The following LRBA variants were observed in gnomAD, a reference collection of about 807,000 sequenced individuals.
LRBA encodes lipopolysaccharide-responsive and beige-like anchor protein.
A neutral mutation model predicts 330.0 loss-of-function variants in LRBA; 176 were observed. The observed-to-expected ratio is 0.53, with a 90% CI of 0.47 to 0.60. The LOEUF (loss-of-function observed/expected upper bound fraction) is 0.60, where lower values mean the gene tolerates loss of function less well. Ranked by LOEUF, LRBA falls within the 20% of genes least tolerant of loss-of-function variation. LRBA has a pLI of 0.00. For synonymous variants in LRBA, 1,230 were observed against 1,193.0 expected (o/e 1.03, Z -0.64); for missense variants, 3,259 against 3,444.8 (o/e 0.95, Z 1.35).
intron 52 of LRBA, among the ~76,000 whole-genome samples, chr4:150,307,649 CAGG>C (rs774230902): frequency 2.0e-5 from 3 of 151,718 alleles, no homozygotes; most frequent in Non-Finnish European, 2.9e-5. Context: ...CAGGCCGACG[CAGG>C]AGGAGATCAC....
chr4:150,994,243 T>A (rs1407431783), intron 2 of LRBA, among the ~76,000 whole-genome samples: 1 of 152,004 alleles, frequency 6.6e-6, no homozygotes, highest in African/African-American at 2.4e-5. Context: ...AAGTACAGTG[T>A]TGAGGAGAAC....
At chr4:150,869,547 G>T (rs1753174218) in intron 20 of LRBA, among the ~76,000 whole-genome samples, 1 of 152,028 alleles carries the variant, frequency 6.6e-6, no homozygotes, top group Non-Finnish European at 1.5e-5. Context: ...AAATTAGCCA[G>T]GCCTGGTAGC....
At chr4:150,780,994 C>T (rs940369714) in intron 34 of LRBA, among the ~76,000 whole-genome samples, 1 of 152,122 alleles carries the variant, frequency 6.6e-6, no homozygotes, top group Non-Finnish European at 1.5e-5. Context: ...ATTTTCCTGC[C>T]TCAGCCTCTC....
intron 44 of LRBA, among the ~76,000 whole-genome samples, chr4:150,463,774 C>CTTGT (rs1167519433): frequency 1.3e-5 from 2 of 151,890 alleles, no homozygotes; most frequent in East Asian, 3.9e-4. Flanking sequence ...TCTACAATAG[C>CTTGT]ATTTTTCTGA....
intron 54 of LRBA, among the ~76,000 whole-genome samples, chr4:150,285,717 T>C (rs949297744): frequency 3.3e-5 from 5 of 152,248 alleles, no homozygotes; most frequent in African/African-American, 1.2e-4. Context: ...CCACTAGCCA[T>C]ATGTGAGTAC....
intron 40 of LRBA, among the ~76,000 whole-genome samples, chr4:150,545,734 A>G (rs1765786453): frequency 6.6e-6 from 1 of 152,150 alleles, no homozygotes; most frequent in Admixed American, 6.5e-5. Context: ...TTATCTTAAA[A>G]CAACAATAAG....
chr4:150,439,111 C>T (rs1022228871), intron 44 of LRBA, among the ~76,000 whole-genome samples: 5 of 151,808 alleles, frequency 3.3e-5, no homozygotes, highest in African/African-American at 9.7e-5. Context: ...AAGAATGAGC[C>T]ATGGAAAAGA....
rs1037684573 is a variant in LRBA at position 150,590,697 on chromosome 4, C to A, written c.6193+16G>T. The A allele has an allele frequency of 6.2e-7, 1 of 1,611,594 alleles. No individual in the cohort carries two copies. The highest frequency in any genetic ancestry group is 1.7e-5 in the Admixed American group (1 of 59,788). ...CCCAGAGGTAGCTGAAATATCTGCA[C>A]AACCACCAAATTTACCGGCAAGATT... On this transcript the variant is annotated intron_variant, in intron 39 of 56. Transcript: ENST00000651943.
At chr4:150,537,267 T>C (rs1764761615) in intron 40 of LRBA, among the ~76,000 whole-genome samples, 1 of 152,124 alleles carries the variant, frequency 6.6e-6, no homozygotes. Flanking sequence ...TATAACTGGG[T>C]ATCCATACAC....
intron 51 of LRBA, among the ~76,000 whole-genome samples, chr4:150,313,975 T>C (rs189970899): frequency 3.9e-5 from 6 of 152,018 alleles, no homozygotes; most frequent in Admixed American, 3.9e-4. Context: ...TTTCCACTTG[T>C]CTTGTCACGT....
intron 22 of LRBA, among the ~76,000 whole-genome samples, chr4:150,865,631 A>G (rs1354674894): frequency 6.6e-6 from 1 of 152,224 alleles, no homozygotes; most frequent in East Asian, 1.9e-4. Flanking sequence ...GAGGAGGAAC[A>G]ATGAATAATT....
intron 11 of LRBA, among the ~76,000 whole-genome samples, chr4:150,906,836 G>A (rs1393325806): frequency 1.3e-5 from 2 of 152,108 alleles, no homozygotes; most frequent in African/African-American, 4.8e-5. Flanking sequence ...AGAGTAAGGT[G>A]TAAATCCTCA....
At chr4:150,865,227 C>T (rs1292047074) in intron 22 of LRBA, among the ~76,000 whole-genome samples, 4 of 152,158 alleles carry the variant, frequency 2.6e-5, no homozygotes, top group African/African-American at 7.2e-5. Flanking sequence ...ATTGCAGCAG[C>T]CTACTGCAAT....
chr4:150,407,181 T>G (rs1003576132), intron 47 of LRBA, among the ~76,000 whole-genome samples: 1 of 152,060 alleles, frequency 6.6e-6, no homozygotes, highest in Non-Finnish European at 1.5e-5. Flanking sequence ...AGGGACAGAT[T>G]TGGCTATAGA....
At chr4:150,296,601 T>C (rs1729005028) in intron 53 of LRBA, among the ~76,000 whole-genome samples, 1 of 152,150 alleles carries the variant, frequency 6.6e-6, no homozygotes, top group African/African-American at 2.4e-5. Flanking sequence ...TGTAAAGCGA[T>C]ATAAATGAGC....
At chr4:150,463,606 C>G (rs943648809) in intron 44 of LRBA, among the ~76,000 whole-genome samples, 6 of 151,842 alleles carry the variant, frequency 4.0e-5, no homozygotes, top group Non-Finnish European at 8.8e-5. Context: ...TCTACTGGGG[C>G]ATAAGGTAAC....
At chr4:150,357,106 G>A (rs1737948555) in intron 47 of LRBA, among the ~76,000 whole-genome samples, 2 of 151,966 alleles carry the variant, frequency 1.3e-5, no homozygotes, top group Admixed American at 6.6e-5. Context: ...ACTAAAAGGG[G>A]TTCTATACTT....
intron 37 of LRBA, among the ~76,000 whole-genome samples, chr4:150,625,018 A>G (rs1172646401): frequency 6.6e-6 from 1 of 152,220 alleles, no homozygotes; most frequent in Non-Finnish European, 1.5e-5. Flanking sequence ...GTCAAGGAAA[A>G]TAACTAGAAA....
chr4:150,915,539 T>A (rs1216596683), intron 8 of LRBA, 69 bp downstream of exon 8: 4 of 1,413,120 alleles, frequency 2.8e-6, no homozygotes, highest in Non-Finnish European at 3.8e-6. Context: ...GTTGTAAAAC[T>A]TTTTCTTGTT....
Sources: gnomAD v4.1 joint callset for allele counts (sites outside exome capture counted in the v4.1 genomes callset) on GRCh38, gnomAD v4.1.1 for gene constraint, MANE v1.5 for transcripts, NCBI Gene and HGNC (gene_info 2026-07-23, HGNC 2026-07-21) for gene names.